The following GSTO2 variants were observed in gnomAD, a reference collection of about 807,000 sequenced individuals.
GSTO2 encodes glutathione S-transferase omega 2, also known as glutathione S-transferase omega-2.
In GSTO2, 23 loss-of-function variants were observed where a neutral mutation model predicts 28.4. The ratio of observed to expected loss-of-function variants is 0.81; its 90% CI spans 0.58 to 1.15. The LOEUF (loss-of-function observed/expected upper bound fraction) is 1.15. GSTO2 is among the 50% of genes most tolerant of loss of function. The probability of loss-of-function intolerance (pLI) is 0.00; values close to 1 mark genes in which losing one functional copy is unlikely to be tolerated. For synonymous variants in GSTO2, 109 were observed against 111.0 expected (o/e 0.98, Z 0.11); for missense variants, 298 against 297.8 (o/e 1.00, Z 0.00).
In GSTO2 at chr10:104,274,756, T is replaced by A. The variant is rs1474328854; in HGVS notation, c.-160T>A. 1 of 829,994 alleles carries A rather than the reference T, an allele frequency of 1.2e-6. No homozygotes were observed. Among genetic ancestry groups the A allele is most frequent in the East Asian group, 2.8e-5 (1 of 35,950 alleles). 51.4% of individuals were successfully genotyped at this position (829,994 alleles called of 1,614,324 possible). Reference sequence around the variant, plus strand: ...AAATTACCCTAGCTCCTGCTCCAGATCGCTTCCCCGTGCCCCGCCAGAGCC... The same window carrying A: ...AAATTACCCTAGCTCCTGCTCCAGAACGCTTCCCCGTGCCCCGCCAGAGCC... On this transcript the variant is annotated 5_prime_UTR_variant, in exon 2 of 7. Coordinates refer to ENST00000338595, the MANE Select transcript of GSTO2 (RefSeq NM_183239.2).
In GSTO2 at chr10:104,300,309, C is replaced by T. The variant is rs895171311; in HGVS notation, c.*1025C>T. 2.6e-5 allele frequency: 4 copies of T among 152,234 alleles called. No individual in the cohort carries two copies. The highest frequency in any genetic ancestry group is 9.7e-5 in the African/African-American group (4 of 41,440). 9.4% of individuals were successfully genotyped at this position (152,234 alleles called of 1,614,324 possible). A position where few individuals can be genotyped will look rare whatever the true frequency, so the allele number is the denominator to read the frequency against. On this transcript the variant is annotated 3_prime_UTR_variant, in exon 7 of 7. Coordinates refer to ENST00000338595, the MANE Select transcript of GSTO2 (RefSeq NM_183239.2). ...ACCCAGCCACAAGCAAAGGTCATTC[C>T]GTTGGATTTGCGTCACACTCTCTTC...
chr10:104,294,149 T>G (rs909668505), intron 5 of GSTO2, among the ~76,000 whole-genome samples: 6 of 152,248 alleles, frequency 3.9e-5, no homozygotes, highest in Non-Finnish European at 7.3e-5. Context: ...TTTTTGACCT[T>G]CTGTTCCAAC....
At chr10:104,285,425 A>C (rs984390744) in intron 5 of GSTO2, among the ~76,000 whole-genome samples, 5 of 151,174 alleles carry the variant, frequency 3.3e-5, no homozygotes, top group Non-Finnish European at 5.9e-5. Context: ...GAAGCCACCG[A>C]GCCTGCCTCC....
intron 4 of GSTO2, 66 bp downstream of exon 4, chr10:104,278,182 C>T: frequency 7.8e-7 from 1 of 1,283,706 alleles, no homozygotes. Flanking sequence ...AAACCTCAAC[C>T]CATTTTAAAG....
rs185267913 is a variant in GSTO2, at chr10:104,289,419, G to A, written c.469-8159G>A. On this transcript the variant is annotated intron_variant, in intron 5 of 6. Coordinates refer to ENST00000338595, the MANE Select transcript of GSTO2 (RefSeq NM_183239.2). Reference sequence around the variant, plus strand: ...CCCTACAAATATATTTTGAAGATACGAATTAAGCTCATTAAAAGGATGCCA... The same window carrying A: ...CCCTACAAATATATTTTGAAGATACAAATTAAGCTCATTAAAAGGATGCCA... Among the ~76,000 whole-genome samples the A allele has an allele frequency of 1.7e-3, 265 of 152,226 alleles. 2 individuals carry two copies. The highest frequency in any genetic ancestry group is 6.0e-3 in the African/African-American group (248 of 41,544).
At chr10:104,298,868 C>T (rs1370595484) in intron 6 of GSTO2, among the ~76,000 whole-genome samples, 1 of 152,086 alleles carries the variant, frequency 6.6e-6, no homozygotes, top group Non-Finnish European at 1.5e-5. Flanking sequence ...AAAAATGAAG[C>T]ACAGACATGT....
At chr10:104,292,760 C>G (rs543303815) in intron 5 of GSTO2, among the ~76,000 whole-genome samples, 90 of 152,220 alleles carry the variant, frequency 5.9e-4, no homozygotes, top group Non-Finnish European at 9.0e-4. Flanking sequence ...CTGGCTGTAT[C>G]TTTATATGTG....
At chr10:104,278,504 C>T (rs989475529) in intron 4 of GSTO2, among the ~76,000 whole-genome samples, 7 of 151,950 alleles carry the variant, frequency 4.6e-5, no homozygotes, top group Non-Finnish European at 8.8e-5. Context: ...TTTTTTGAGA[C>T]GGAGTCTCGC....
chr10:104,294,070 T>C (rs2012913962), intron 5 of GSTO2, among the ~76,000 whole-genome samples: 1 of 152,192 alleles, frequency 6.6e-6, no homozygotes, highest in Non-Finnish European at 1.5e-5. Flanking sequence ...AAGAGTCAAA[T>C]TCAAGGCTTT....
chr10:104,288,028 C>T (rs2135125665), intron 5 of GSTO2, among the ~76,000 whole-genome samples: 1 of 151,732 alleles, frequency 6.6e-6, no homozygotes. Flanking sequence ...GCTGGGACTA[C>T]AGGCACCCGC....
chr10:104,277,300 T>A (rs1480280098), intron 3 of GSTO2, among the ~76,000 whole-genome samples: 1 of 152,112 alleles, frequency 6.6e-6, no homozygotes, highest in East Asian at 1.9e-4. Context: ...ACTACTTTTT[T>A]TTTTTTTTAG....
At chr10:104,284,477 A>T (rs1267165070) in intron 5 of GSTO2, among the ~76,000 whole-genome samples, 3 of 152,206 alleles carry the variant, frequency 2.0e-5, no homozygotes, top group Non-Finnish European at 4.4e-5. Context: ...CACTTTTATT[A>T]TCAAACTAGC....
At position 104,297,606 on chromosome 10, in the gene GSTO2, T is replaced by C. The variant is rs781256400; in HGVS notation, c.497T>C (p.Phe166Ser). The change falls in exon 6 of 7, where the codon TTT (phenylalanine) becomes TCT (serine). Residue 166 changes from phenylalanine to serine, a missense_variant. By Grantham distance (155) the Phe-to-Ser change is radical. Coordinates refer to ENST00000338595, the MANE Select transcript of GSTO2 (RefSeq NM_183239.2). ...EILEYQNTTF[F>S]GGTCISMIDY... ...CTTGAGTATCAGAACACCACCTTCT[T>C]TGGTGGAACCTGTATATCCATGATT... 14 of 1,613,404 alleles carry C rather than the reference T, an allele frequency of 8.7e-6. No homozygotes were observed. Among genetic ancestry groups the C allele is most frequent in the African/African-American group, 1.3e-5 (1 of 74,914 alleles).
intron 5 of GSTO2, among the ~76,000 whole-genome samples, chr10:104,285,013 C>G (rs967587769): frequency 1.3e-5 from 2 of 152,128 alleles, no homozygotes; most frequent in East Asian, 1.9e-4. Flanking sequence ...GCAACTGAAG[C>G]CTTCGTCTGC....
intron 5 of GSTO2, among the ~76,000 whole-genome samples, chr10:104,280,575 A>G (rs1430213907): frequency 6.6e-6 from 1 of 152,202 alleles, no homozygotes; most frequent in African/African-American, 2.4e-5. Context: ...TAATTAAGGA[A>G]GAAGGGGGAA....
At chr10:104,275,992 G>T (rs376389092) in intron 3 of GSTO2, among the ~76,000 whole-genome samples, 38 of 152,352 alleles carry the variant, frequency 2.5e-4, no homozygotes, top group African/African-American at 8.2e-4. Flanking sequence ...CCAAAAGGAA[G>T]TTTGCAAAAC....
intron 1 of GSTO2, among the ~76,000 whole-genome samples, chr10:104,270,760 A>C (rs765001496): frequency 7.5e-5 from 10 of 132,476 alleles, no homozygotes; most frequent in African/African-American, 1.3e-4. Context: ...AATGTACTCC[A>C]GTCCAGTTTC....
chr10:104,279,516 C>A, intron 5 of GSTO2, 45 bp downstream of exon 5: 1 of 1,391,214 alleles, frequency 7.2e-7, no homozygotes, highest in Non-Finnish European at 1.0e-6. Context: ...GTGGAGGAAG[C>A]TAGGCAGGGT....
At chr10:104,298,009 A>C (rs891152691) in intron 6 of GSTO2, among the ~76,000 whole-genome samples, 15 of 152,124 alleles carry the variant, frequency 9.9e-5, no homozygotes, top group Non-Finnish European at 1.9e-4. Flanking sequence ...ACAGTGCCCA[A>C]CGCCTCCACC....
Sources: gnomAD v4.1 joint callset for allele counts (sites outside exome capture counted in the v4.1 genomes callset) on GRCh38, gnomAD v4.1.1 for gene constraint, MANE v1.5 for transcripts, NCBI Gene and HGNC (gene_info 2026-07-23, HGNC 2026-07-21) for gene names.